SHQ1: variants seen among roughly 807,000 people sequenced by gnomAD.
The protein encoded by SHQ1 is protein SHQ1 homolog.
SHQ1 carries 49 observed loss-of-function variants against 53.8 expected under a neutral mutation model. The ratio of observed to expected loss-of-function variants is 0.91; its 90% CI spans 0.72 to 1.16. The LOEUF (loss-of-function observed/expected upper bound fraction) is 1.16, where lower values mean the gene tolerates loss of function less well. SHQ1 is among the 50% of genes most tolerant of loss of function. The pLI, the probability that SHQ1 is intolerant of heterozygous loss-of-function variation, is 0.00. For synonymous variants in SHQ1, 243 were observed against 251.0 expected, an observed-to-expected ratio of 0.97 and a Z score of 0.30; for missense variants, 738 against 683.1, an observed-to-expected ratio of 1.08 and a Z score of -0.90.
intron 8 of SHQ1, among the ~76,000 whole-genome samples, chr3:72,814,048 C>A (rs944005735): frequency 6.6e-6 from 1 of 151,684 alleles, no homozygotes; most frequent in Non-Finnish European, 1.5e-5. Context: ...AAATGTAAAC[C>A]ATATGTAAAA....
intron 4 of SHQ1, among the ~76,000 whole-genome samples, chr3:72,837,365 CA>C (rs1339546156): frequency 6.6e-6 from 1 of 151,624 alleles, no homozygotes; most frequent in South Asian, 2.1e-4. Flanking sequence ...AAGTTGGAGG[CA>C]AAAAAATATG....
At chr3:72,767,165 T>C (rs150279823) in intron 10 of SHQ1, among the ~76,000 whole-genome samples, 3 of 152,144 alleles carry the variant, frequency 2.0e-5, no homozygotes, top group African/African-American at 4.8e-5. Context: ...TCCAAATTGC[T>C]TTCATATGTA....
chr3:72,751,502 G>GACA lies in SHQ1; in HGVS notation c.1182-667_1182-666insTGT, dbSNP rs1559657388. Among the ~76,000 whole-genome samples the GACA allele has an allele frequency of 3.2e-4, 38 of 118,824 alleles. 2 individuals carry two copies. Among genetic ancestry groups the GACA allele is most frequent in the African/African-American group, 1.1e-3 (27 of 23,616 alleles). 78.0% of individuals were successfully genotyped at this position (118,824 alleles called of 152,430 possible). On this transcript the variant is annotated intron_variant, in intron 10 of 10. Transcript: ENST00000325599. ...TGTGTGTGTGTGTGTGTGTGTGTGT[G>GACA]TGTGTGTATATATATATATATATAT...
At chr3:72,748,329 CAAA>C (rs572927520), downstream of SHQ1, among the ~76,000 whole-genome samples, 57 of 58,738 alleles carry the variant, frequency 9.7e-4, no homozygotes, top group African/African-American at 3.8e-3. Context: ...ATGAGGCATG[CAAA>C]AAAAAAAAAA....
intron 10 of SHQ1, among the ~76,000 whole-genome samples, chr3:72,765,553 A>ATTTTTTTTTT (rs1301529961): frequency 1.2e-5 from 1 of 85,468 alleles, no homozygotes; most frequent in Non-Finnish European, 2.1e-5. Context: ...ATATATATAT[A>ATTTTTTTTTT]TATATTTTTT....
chr3:72,742,930 C>G, the SHQ1 span, among the ~76,000 whole-genome samples: 1 of 152,166 alleles, frequency 6.6e-6, no homozygotes, highest in Admixed American at 6.5e-5. Context: ...GCCACTGCAC[C>G]CAGCCGAGAG....
Position 72,812,706 on chromosome 3 carries a change from T to C in SHQ1, c.1025A>G (p.Lys342Arg). Residue 342 changes from lysine to arginine, a missense_variant, in exon 9 of 11, where the codon AAG becomes AGG. Lys to Arg is a conservative substitution (Grantham distance 26, BLOSUM62 2). Coordinates refer to ENST00000325599, the MANE Select transcript of SHQ1 (RefSeq NM_018130.3). ...PLYRHFKLVM[K>R]AYRDTIKILQ... ...TATCTTTATAGTGTCCCTGTAGGCC[T>C]TCATCACCAGCTTGAAATGGCGATA... The C allele has an allele frequency of 6.2e-7, 1 of 1,614,118 alleles. No homozygotes were observed. The highest frequency in any genetic ancestry group is 2.2e-5 in the East Asian group (1 of 44,846).
intron 10 of SHQ1, 86 bp downstream of exon 10, chr3:72,792,830 T>G: frequency 1.3e-6 from 1 of 799,016 alleles, no homozygotes; most frequent in Non-Finnish European, 2.0e-6. Flanking sequence ...ACTCCTCAGG[T>G]TATTTCGTTT....
At chr3:72,813,580 G>A (rs906706970) in intron 8 of SHQ1, among the ~76,000 whole-genome samples, 3 of 151,300 alleles carry the variant, frequency 2.0e-5, no homozygotes, top group Non-Finnish European at 2.9e-5. Flanking sequence ...TGGCTAACAC[G>A]ATGAAACCCC....
At chr3:72,741,187 G>A in the SHQ1 span, among the ~76,000 whole-genome samples, 3,073 of 152,240 alleles carry the variant, frequency 0.02, 108 homozygotes, top group African/African-American at 0.072. Flanking sequence ...CCCCACAGTC[G>A]GCCCTTGGGT....
intron 9 of SHQ1, among the ~76,000 whole-genome samples, chr3:72,801,750 T>TCA (rs1156749098): frequency 1.3e-5 from 2 of 152,228 alleles, no homozygotes; most frequent in Non-Finnish European, 1.5e-5. Context: ...AAATATAATT[T>TCA]AGTAAAGCTG....
At chr3:72,777,739 T>C (rs1705986544) in intron 10 of SHQ1, among the ~76,000 whole-genome samples, 2 of 152,176 alleles carry the variant, frequency 1.3e-5, no homozygotes, top group South Asian at 2.1e-4. Context: ...AAGTACACCA[T>C]GAAACACGTA....
intron 9 of SHQ1, among the ~76,000 whole-genome samples, chr3:72,799,467 G>A (rs1706721676): frequency 6.6e-6 from 1 of 152,184 alleles, no homozygotes; most frequent in African/African-American, 2.4e-5. Context: ...TCTAAATTAA[G>A]AGAACCAAAG....
chr3:72,835,106 CTT>C (rs761840255), intron 4 of SHQ1, among the ~76,000 whole-genome samples: 15 of 130,734 alleles, frequency 1.1e-4, no homozygotes, highest in Non-Finnish European at 9.9e-5. Context: ...CCATCAGCTT[CTT>C]TTTTTTTTTT....
At chr3:72,768,768 T>C (rs1053631731) in intron 10 of SHQ1, among the ~76,000 whole-genome samples, 10 of 152,238 alleles carry the variant, frequency 6.6e-5, no homozygotes, top group African/African-American at 2.4e-4. Flanking sequence ...TGCTGCTTAA[T>C]GGTCATCCAT....
chr3:72,772,876 A>G (rs1216567613), intron 10 of SHQ1: 1 of 782,928 alleles, frequency 1.3e-6, no homozygotes, highest in East Asian at 2.4e-5. Flanking sequence ...AGCTGTGGAC[A>G]AATCTGAATT....
At chr3:72,738,911 G>C in the SHQ1 span, among the ~76,000 whole-genome samples, 1 of 151,788 alleles carries the variant, frequency 6.6e-6, no homozygotes, top group Non-Finnish European at 1.5e-5. Context: ...GCCCCGCGAC[G>C]CCCGAGGACC....
intron 8 of SHQ1, among the ~76,000 whole-genome samples, chr3:72,814,105 T>A (rs1042432187): frequency 9.9e-5 from 15 of 152,136 alleles, no homozygotes; most frequent in African/African-American, 3.6e-4. Context: ...TGTACATTAA[T>A]CCTTAAAACT....
At chr3:72,826,109 C>A (rs1001098715) in intron 5 of SHQ1, among the ~76,000 whole-genome samples, 1 of 152,168 alleles carries the variant, frequency 6.6e-6, no homozygotes, top group Non-Finnish European at 1.5e-5. Context: ...TTACTTCAGA[C>A]TCCAAGCTCT....
Sources: gnomAD v4.1 joint callset for allele counts (sites outside exome capture counted in the v4.1 genomes callset) on GRCh38, gnomAD v4.1.1 for gene constraint, MANE v1.5 for transcripts, NCBI Gene and HGNC (gene_info 2026-07-23, HGNC 2026-07-21) for gene names.